CAMKMT: variants seen among roughly 807,000 people sequenced by gnomAD.
The protein encoded by CAMKMT is CaM KMT.
Under a neutral mutation model 48.0 loss-of-function variants are expected in CAMKMT, and 53 were observed. The ratio of observed to expected loss-of-function variants is 1.10; its 90% CI spans 0.89 to 1.39. The LOEUF (loss-of-function observed/expected upper bound fraction) is 1.39. Among genes scored for constraint, CAMKMT ranks in the 40% most tolerant of loss-of-function variants. The probability of loss-of-function intolerance (pLI) is 0.00; values close to 1 mark genes in which losing one functional copy is unlikely to be tolerated. For synonymous variants in CAMKMT, 165 were observed against 152.3 expected, an observed-to-expected ratio of 1.08 and a Z score of -0.61; for missense variants, 428 against 402.7, an observed-to-expected ratio of 1.06 and a Z score of -0.54.
At chr2:44,641,254 C>T (rs1673435513) in intron 3 of CAMKMT, among the ~76,000 whole-genome samples, 1 of 152,136 alleles carries the variant, frequency 6.6e-6, no homozygotes, top group Admixed American at 6.6e-5. Flanking sequence ...TTTCTAGATT[C>T]TAGCATAGAT....
intron 3 of CAMKMT, among the ~76,000 whole-genome samples, chr2:44,496,384 T>C (rs564985740): frequency 2.4e-4 from 37 of 152,312 alleles, no homozygotes; most frequent in Non-Finnish European, 4.4e-4. Flanking sequence ...CCCTACTGAT[T>C]CAAAGAAACA....
At chr2:44,696,102 C>G (rs188599782) in intron 3 of CAMKMT, among the ~76,000 whole-genome samples, 128 of 152,136 alleles carry the variant, frequency 8.4e-4, no homozygotes, top group Non-Finnish European at 1.6e-3. Context: ...ACCACCATGC[C>G]TGGCTAATTT....
At chr2:44,709,776 G>C (rs1677772753) in intron 6 of CAMKMT, among the ~76,000 whole-genome samples, 1 of 151,938 alleles carries the variant, frequency 6.6e-6, no homozygotes, top group Non-Finnish European at 1.5e-5. Flanking sequence ...AGCAGTTGTA[G>C]GATATTATTC....
At chr2:44,452,443 G>A (rs867178570) in intron 3 of CAMKMT, among the ~76,000 whole-genome samples, 6 of 151,964 alleles carry the variant, frequency 3.9e-5, no homozygotes, top group Non-Finnish European at 5.9e-5. Flanking sequence ...ATGTGTGCCT[G>A]ATACATTATT....
At chr2:44,491,704 C>G (rs1315867695) in intron 3 of CAMKMT, among the ~76,000 whole-genome samples, 1 of 151,914 alleles carries the variant, frequency 6.6e-6, no homozygotes, top group Non-Finnish European at 1.5e-5. Context: ...TTTTGATTTT[C>G]TTTATGGCTA....
intron 7 of CAMKMT, among the ~76,000 whole-genome samples, chr2:44,735,042 G>A (rs1679283212): frequency 6.6e-6 from 1 of 152,140 alleles, no homozygotes; most frequent in African/African-American, 2.4e-5. Context: ...CTGTTATTCA[G>A]TGCGTGAATA....
At chr2:44,762,414 A>G (rs1317525283) in intron 9 of CAMKMT, among the ~76,000 whole-genome samples, 4 of 152,232 alleles carry the variant, frequency 2.6e-5, no homozygotes, top group Admixed American at 2.6e-4. Context: ...AAAAAGGAAC[A>G]AACTAAATGT....
chr2:44,644,251 A>G (rs1235075644), intron 3 of CAMKMT, among the ~76,000 whole-genome samples: 1 of 152,226 alleles, frequency 6.6e-6, no homozygotes, highest in Non-Finnish European at 1.5e-5. Flanking sequence ...CCAAAAAACT[A>G]TGAAAGGAAT....
intron 3 of CAMKMT, among the ~76,000 whole-genome samples, chr2:44,507,065 T>C (rs1670297547): frequency 8.8e-6 from 1 of 113,884 alleles, no homozygotes; most frequent in Admixed American, 1.0e-4. Context: ...TCATAAAATT[T>C]GTGCAATCTT....
At chr2:44,532,484 G>A (rs1477818072) in intron 3 of CAMKMT, among the ~76,000 whole-genome samples, 1 of 152,158 alleles carries the variant, frequency 6.6e-6, no homozygotes, top group African/African-American at 2.4e-5. Context: ...CAGACATTGA[G>A]TTCCTACTAT....
chr2:44,684,346 A>C lies in CAMKMT; in HGVS notation c.377-19937A>C, dbSNP rs545916732. ...TTTTTGTATTTTTCCTAACAGAAGG[A>C]TAATTGTGGTGTCAAGTTCAGAGCA... On this transcript the variant is annotated intron_variant, in intron 3 of 10. Coordinates refer to ENST00000378494, the MANE Select transcript of CAMKMT (RefSeq NM_024766.5). Among the ~76,000 whole-genome samples the C allele has an allele frequency of 3.9e-5, 6 of 152,358 alleles. No individual in the cohort carries two copies. The South Asian group carries it at 1.2e-3, about 32-fold the overall frequency.
In CAMKMT at chr2:44,594,661, T is replaced by C. The variant is rs150459357; in HGVS notation, c.377-109622T>C. Among the ~76,000 whole-genome samples the C allele has an allele frequency of 7.4e-3, 1,128 of 152,134 alleles. 16 individuals are homozygous for C. The highest frequency in any genetic ancestry group is 0.026 in the African/African-American group (1,066 of 41,480). On this transcript the variant is annotated intron_variant, in intron 3 of 10. Transcript: ENST00000378494. ...CCTTACACCTTAGACAAAAATTAACTCAAGATGGATTAAAGACTTAAATGT... is the reference window on the plus strand; with the variant it reads ...CCTTACACCTTAGACAAAAATTAACCCAAGATGGATTAAAGACTTAAATGT...
chr2:44,623,464 C>T (rs1336749851), intron 3 of CAMKMT, among the ~76,000 whole-genome samples: 2 of 152,012 alleles, frequency 1.3e-5, no homozygotes, highest in Non-Finnish European at 2.9e-5. Context: ...TTGAGGTCTT[C>T]TGTTTAAGTC....
At position 44,684,443 on chromosome 2, in the gene CAMKMT, C is replaced by A. The variant is rs568353989; in HGVS notation, c.377-19840C>A. Among the ~76,000 whole-genome samples, 11 of 151,914 alleles carry A rather than the reference C, an allele frequency of 7.2e-5. No individual in the cohort carries two copies. In the South Asian group the frequency reaches 2.1e-3, roughly 29 times the overall value. ...TGTGATTCTAAGAGAAAACAATTTT[C>A]TATATGGCTTAAGGTTACGAATTTT... On this transcript the variant is annotated intron_variant, in intron 3 of 10. Coordinates refer to ENST00000378494, the MANE Select transcript of CAMKMT (RefSeq NM_024766.5).
At chr2:44,726,165 G>C (rs1002283368) in intron 7 of CAMKMT, among the ~76,000 whole-genome samples, 1 of 152,176 alleles carries the variant, frequency 6.6e-6, no homozygotes, top group Non-Finnish European at 1.5e-5. Flanking sequence ...TTGCTGGGTC[G>C]AATGGTTGCT....
chr2:44,397,290 G>T (rs1285031439), intron 3 of CAMKMT, among the ~76,000 whole-genome samples: 1 of 152,096 alleles, frequency 6.6e-6, no homozygotes, highest in Non-Finnish European at 1.5e-5. Context: ...TTTATAAGTT[G>T]TGTTACAAAA....
intron 3 of CAMKMT, among the ~76,000 whole-genome samples, chr2:44,418,392 A>G (rs1042657314): frequency 2.0e-5 from 3 of 151,928 alleles, no homozygotes; most frequent in African/African-American, 7.3e-5. Context: ...TTGAGTTAAT[A>G]TATACATATA....
intron 3 of CAMKMT, among the ~76,000 whole-genome samples, chr2:44,442,265 T>C (rs968882408): frequency 2.6e-5 from 4 of 152,182 alleles, no homozygotes; most frequent in Non-Finnish European, 5.9e-5. Context: ...GGAGAGCAGG[T>C]CAGAAGCCCA....
chr2:44,563,903 C>A (rs1300645265), intron 3 of CAMKMT, among the ~76,000 whole-genome samples: 3 of 152,134 alleles, frequency 2.0e-5, no homozygotes, highest in Non-Finnish European at 4.4e-5. Flanking sequence ...GGTTCCAAGT[C>A]TTTGCTATTG....
Sources: gnomAD v4.1 joint callset for allele counts (sites outside exome capture counted in the v4.1 genomes callset) on GRCh38, gnomAD v4.1.1 for gene constraint, MANE v1.5 for transcripts, NCBI Gene and HGNC (gene_info 2026-07-23, HGNC 2026-07-21) for gene names.